ADAM2: variants seen among roughly 807,000 people sequenced by gnomAD.
ADAM2 encodes the protein disintegrin and metalloproteinase domain-containing protein 2.
Under a neutral mutation model 99.3 loss-of-function variants are expected in ADAM2, and 101 were observed. The ratio of observed to expected loss-of-function variants is 1.02; its 90% CI spans 0.87 to 1.20. The LOEUF is 1.20. Among genes scored for constraint, ADAM2 ranks in the 50% most tolerant of loss-of-function variants. The probability of loss-of-function intolerance (pLI) is 0.00; values close to 1 mark genes in which losing one functional copy is unlikely to be tolerated. For synonymous variants in ADAM2, 323 were observed against 287.6 expected (o/e 1.12, Z -1.25); for missense variants, 948 against 878.7 (o/e 1.08, Z -1.00).
At chr8:39,834,620 G>A (rs1033930738) in intron 2 of ADAM2, among the ~76,000 whole-genome samples, 70 of 150,208 alleles carry the variant, frequency 4.7e-4, no homozygotes, top group African/African-American at 1.5e-3. Context: ...TGTAATCCCA[G>A]ATACTGGGGA....
intron 16 of ADAM2, among the ~76,000 whole-genome samples, chr8:39,752,184 A>G (rs1801975551): frequency 6.6e-6 from 1 of 152,216 alleles, no homozygotes; most frequent in Non-Finnish European, 1.5e-5. Context: ...ATGACCAAGC[A>G]TTTTGGATTT....
intron 3 of ADAM2, among the ~76,000 whole-genome samples, chr8:39,830,775 G>GA (rs796200873): frequency 2.0e-4 from 29 of 148,022 alleles, no homozygotes; most frequent in South Asian, 8.5e-4. Context: ...TAATAGAAAC[G>GA]AAAAAAAAAA....
intron 3 of ADAM2, among the ~76,000 whole-genome samples, chr8:39,828,529 A>G (rs1805499336): frequency 6.6e-6 from 1 of 151,940 alleles, no homozygotes; most frequent in African/African-American, 2.4e-5. Context: ...TATAAAACAA[A>G]AGATAAAACA....
At chr8:39,755,679 G>T (rs1364996602) in intron 16 of ADAM2, 49 bp downstream of exon 16, 2 of 1,454,550 alleles carry the variant, frequency 1.4e-6, no homozygotes, top group South Asian at 1.2e-5. Flanking sequence ...TCAAAAAAGG[G>T]CAAAGTCTAA....
chr8:39,808,189 TACACACACACACACACAC>T (rs144114156), intron 7 of ADAM2, among the ~76,000 whole-genome samples: 3 of 146,002 alleles, frequency 2.1e-5, no homozygotes, highest in Non-Finnish European at 4.5e-5. Context: ...TCCTAAGGAA[TACACACACACACACACAC>T]ACACACACAC....
At chr8:39,795,974 T>A (rs773246599) in intron 7 of ADAM2, among the ~76,000 whole-genome samples, 1 of 152,148 alleles carries the variant, frequency 6.6e-6, no homozygotes, top group Non-Finnish European at 1.5e-5. Flanking sequence ...TCCTTGATTA[T>A]CTTTAGTAGA....
At chr8:39,767,362 C>T in intron 12 of ADAM2, 111 bp from the exon 13 acceptor site, 1 of 921,426 alleles carries the variant, frequency 1.1e-6, no homozygotes, top group East Asian at 2.5e-5. Flanking sequence ...GCTTAACTTA[C>T]ATGTTGGCAA....
intron 15 of ADAM2, among the ~76,000 whole-genome samples, chr8:39,760,015 C>T (rs1251237686): frequency 6.6e-6 from 1 of 152,056 alleles, no homozygotes; most frequent in African/African-American, 2.4e-5. Context: ...TACAGGCAAC[C>T]GCCATCATGC....
intron 10 of ADAM2, among the ~76,000 whole-genome samples, chr8:39,779,666 T>C (rs1168724993): frequency 6.6e-6 from 1 of 152,176 alleles, no homozygotes; most frequent in Non-Finnish European, 1.5e-5. Flanking sequence ...AATTTTCTTT[T>C]GGTGAATATA....
intron 11 of ADAM2, among the ~76,000 whole-genome samples, chr8:39,774,074 A>C (rs1402224884): frequency 6.6e-6 from 1 of 151,998 alleles, no homozygotes; most frequent in African/African-American, 2.4e-5. Flanking sequence ...TCAATGTATC[A>C]ACAGAATAAA....
intron 10 of ADAM2, among the ~76,000 whole-genome samples, chr8:39,778,934 TATCTCTTATA>T (rs1803108661): frequency 6.6e-6 from 1 of 152,160 alleles, no homozygotes; most frequent in African/African-American, 2.4e-5. Flanking sequence ...TGTTTCCTGT[TATCTCTTATA>T]ATTCACTAAG....
At chr8:39,788,949 C>T (rs765227124) in intron 7 of ADAM2, among the ~76,000 whole-genome samples, 1 of 150,906 alleles carries the variant, frequency 6.6e-6, no homozygotes, top group Non-Finnish European at 1.5e-5. Flanking sequence ...TATATTTTTT[C>T]CATAGAAATT....
Position 39,767,048 on chromosome 8 carries a change from T to G in ADAM2, c.1312-5A>C. 11 of 1,612,492 alleles carry G rather than the reference T, an allele frequency of 6.8e-6. No homozygotes were observed. Among genetic ancestry groups the G allele is most frequent in the Non-Finnish European group, 9.3e-6 (11 of 1,178,614 alleles). ...CATTCTTTCTTTTGACATAAACTGA[T>G]GGGATGAGGTAAATGATATTGAATT... On this transcript the variant is annotated splice_region_variant and splice_polypyrimidine_tract_variant and intron_variant, in intron 13 of 20. Transcript: ENST00000265708.
intron 6 of ADAM2, among the ~76,000 whole-genome samples, chr8:39,819,186 G>T (rs755932230): frequency 2.0e-5 from 3 of 151,896 alleles, no homozygotes; most frequent in Non-Finnish European, 4.4e-5. Flanking sequence ...TAGACATAAA[G>T]ATTAATGGAC....
chr8:39,837,360 G>C (rs1255143788), intron 1 of ADAM2, 148 bp from the exon 2 acceptor site: 13 of 549,830 alleles, frequency 2.4e-5, no homozygotes, highest in Non-Finnish European at 3.9e-5. Flanking sequence ...AATACAAGGA[G>C]GTTTTTTTTT....
At chr8:39,758,522 G>A (rs556841495) in intron 15 of ADAM2, among the ~76,000 whole-genome samples, 1 of 150,804 alleles carries the variant, frequency 6.6e-6, no homozygotes, top group East Asian at 1.9e-4. Context: ...GTCTGAAATT[G>A]TTTCCAAATA....
At chr8:39,813,512 A>C (rs1392642460) in intron 6 of ADAM2, among the ~76,000 whole-genome samples, 3 of 152,232 alleles carry the variant, frequency 2.0e-5, no homozygotes, top group Non-Finnish European at 4.4e-5. Context: ...AAAGACTTGG[A>C]ACCAACCCAA....
At chr8:39,833,792 T>C in intron 3 of ADAM2, 152 bp downstream of exon 3, 1 of 592,720 alleles carries the variant, frequency 1.7e-6, no homozygotes, top group Non-Finnish European at 2.9e-6. Context: ...TAGGTATGTA[T>C]CATATATAGG....
intron 6 of ADAM2, among the ~76,000 whole-genome samples, chr8:39,817,220 T>C (rs1286428623): frequency 1.3e-5 from 2 of 152,114 alleles, no homozygotes; most frequent in Non-Finnish European, 2.9e-5. Context: ...GTAGATTAAA[T>C]CTAAATTATG....
Sources: allele counts gnomAD v4.1 joint callset (sites outside exome capture counted in the v4.1 genomes callset), GRCh38; gene constraint gnomAD v4.1.1; transcripts MANE v1.5; gene names NCBI Gene and HGNC (gene_info 2026-07-23, HGNC 2026-07-21).